ARHGEF28: variants seen among roughly 807,000 people sequenced by gnomAD.
ARHGEF28 encodes 190 kDa guanine nucleotide exchange factor.
A neutral mutation model predicts 206.6 loss-of-function variants in ARHGEF28; 152 were observed. The observed-to-expected ratio is 0.74, with a 90% CI of 0.64 to 0.84. The LOEUF (loss-of-function observed/expected upper bound fraction) is 0.84, where lower values mean the gene tolerates loss of function less well. ARHGEF28 is among the 40% of genes least tolerant of loss of function. ARHGEF28 has a pLI of 0.00. For missense variants in ARHGEF28, 2,028 were observed against 2,073.2 expected, an observed-to-expected ratio of 0.98 and a Z score of 0.42; for synonymous variants, 763 against 776.4, an observed-to-expected ratio of 0.98 and a Z score of 0.29.
In ARHGEF28 at chr5:73,828,706, G is replaced by GTCTCTT. The variant is rs531084987; in HGVS notation, c.1025-3622_1025-3617dup. On this transcript the variant is annotated intron_variant, in intron 9 of 35. Coordinates refer to ENST00000513042, the MANE Select transcript of ARHGEF28 (RefSeq NM_001177693.2). ...TTTCTCTTTCTCTTTCTTTCTCTCT[G>GTCTCTT]TCTCTTTCTCTTTCTTTCTCTCTGT... Among the ~76,000 whole-genome samples, 74 of 126,274 alleles carry GTCTCTT rather than the reference G, an allele frequency of 5.9e-4. No homozygotes were observed. In the East Asian group the frequency reaches 0.016, roughly 27 times the overall value. The allele number at this position is 126,274 out of a possible 152,430, so 82.8% of individuals were successfully genotyped here.
Position 73,771,241 on chromosome 5 carries a change from T to C in ARHGEF28, c.476-2614T>C, listed in dbSNP as rs529916126. ...CTCACTATATTCAGATTAGGAGATA[T>C]GTCTTAGAAATTCCATCCGGGCTGG... On this transcript the variant is annotated intron_variant, in intron 4 of 35. Transcript: ENST00000513042. 5.3e-5 allele frequency among the ~76,000 whole-genome samples: 8 copies of C among 152,306 alleles called. No individual in the cohort carries two copies. The South Asian group carries it at 1.7e-3, about 32-fold the overall frequency.
chr5:73,834,806 T>C (rs955565494), intron 10 of ARHGEF28, among the ~76,000 whole-genome samples: 1 of 152,160 alleles, frequency 6.6e-6, no homozygotes, highest in Non-Finnish European at 1.5e-5. Flanking sequence ...CCATATAGCC[T>C]AGGTGTGTAG....
chr5:73,658,490 G>A (rs924508097), intron 1 of ARHGEF28, among the ~76,000 whole-genome samples: 5 of 152,304 alleles, frequency 3.3e-5, no homozygotes, highest in African/African-American at 9.6e-5. Flanking sequence ...CAAGAGGAAG[G>A]AGAAGAGATG....
intron 16 of ARHGEF28, among the ~76,000 whole-genome samples, chr5:73,861,840 T>C: frequency 6.6e-6 from 1 of 152,010 alleles, no homozygotes; most frequent in East Asian, 1.9e-4. Flanking sequence ...TAGAAGTAAT[T>C]TCAAAATTTA....
intron 4 of ARHGEF28, among the ~76,000 whole-genome samples, chr5:73,761,974 G>A (rs1752623632): frequency 6.6e-6 from 1 of 151,000 alleles, no homozygotes; most frequent in South Asian, 2.1e-4. Flanking sequence ...GGGACTATAG[G>A]TGTGTGCCAC....
chr5:73,928,959 G>T lies in ARHGEF28; in HGVS notation c.4949-11885G>T, dbSNP rs723221. 2.4e-3 allele frequency among the ~76,000 whole-genome samples: 367 copies of T among 152,044 alleles called. 10 individuals carry two copies. Among genetic ancestry groups the T allele is most frequent in the Admixed American group, 0.015 (236 of 15,260 alleles). On this transcript the variant is annotated intron_variant, in intron 35 of 35. Coordinates refer to ENST00000513042, the MANE Select transcript of ARHGEF28 (RefSeq NM_001177693.2). ...TTTATTTATTTATTTATTTTGAGAC[G>T]GAGTCTCGCTCTGTCACCCATGCTG... is the stretch of plus-strand genomic sequence containing the variant.
At chr5:73,781,095 T>C (rs1275492573) in intron 7 of ARHGEF28, among the ~76,000 whole-genome samples, 1 of 152,208 alleles carries the variant, frequency 6.6e-6, no homozygotes, top group East Asian at 1.9e-4. Context: ...GTTCTTTAGT[T>C]TCTTCCACCT....
At chr5:73,646,865 A>G (rs1335034294) in intron 1 of ARHGEF28, among the ~76,000 whole-genome samples, 3 of 151,698 alleles carry the variant, frequency 2.0e-5, no homozygotes, top group South Asian at 4.2e-4. Flanking sequence ...TGGCTCATCT[A>G]TGAGGCTATC....
At chr5:73,936,240 A>T (rs1174625418) in intron 35 of ARHGEF28, among the ~76,000 whole-genome samples, 1 of 152,210 alleles carries the variant, frequency 6.6e-6, no homozygotes, top group Non-Finnish European at 1.5e-5. Flanking sequence ...GGGCAGATCA[A>T]CTGCGGAGTT....
chr5:73,634,299 C>A (rs1000841390), intron 1 of ARHGEF28, among the ~76,000 whole-genome samples: 1 of 152,172 alleles, frequency 6.6e-6, no homozygotes, highest in Non-Finnish European at 1.5e-5. Flanking sequence ...TTTGTATCAG[C>A]ATCTGGTTCT....
At chr5:73,834,769 T>G (rs2112564616) in intron 10 of ARHGEF28, among the ~76,000 whole-genome samples, 1 of 152,304 alleles carries the variant, frequency 6.6e-6, no homozygotes, top group East Asian at 1.9e-4. Context: ...GCTGTATAGA[T>G]TTGTAGCTTA....
chr5:73,728,298 G>T (rs1750403746), intron 2 of ARHGEF28, among the ~76,000 whole-genome samples: 1 of 152,192 alleles, frequency 6.6e-6, no homozygotes, highest in Non-Finnish European at 1.5e-5. Flanking sequence ...ATGTAGTAAA[G>T]AAATGGTCAG....
intron 29 of ARHGEF28, among the ~76,000 whole-genome samples, chr5:73,894,794 G>C (rs543861752): frequency 6.6e-6 from 1 of 152,226 alleles, no homozygotes; most frequent in South Asian, 2.1e-4. Context: ...CAGGATAAGG[G>C]AGAGAGAGGG....
chr5:73,770,276 T>C (rs1407387961), intron 4 of ARHGEF28, among the ~76,000 whole-genome samples: 1 of 152,192 alleles, frequency 6.6e-6, no homozygotes, highest in Non-Finnish European at 1.5e-5. Context: ...AAGAAACTGA[T>C]GCCCGGCAGA....
chr5:73,875,429 T>G (rs902853391), intron 22 of ARHGEF28, among the ~76,000 whole-genome samples: 16 of 149,832 alleles, frequency 1.1e-4, no homozygotes, highest in African/African-American at 3.9e-4. Context: ...TTTAATTAGA[T>G]CCCATTTGTC....
chr5:73,804,533 T>A (rs1443918319), intron 9 of ARHGEF28, among the ~76,000 whole-genome samples: 3 of 152,226 alleles, frequency 2.0e-5, no homozygotes, highest in Admixed American at 1.3e-4. Flanking sequence ...AAAATTTTTT[T>A]AAATAAATTT....
chr5:73,919,453 T>A (rs1484497934), intron 35 of ARHGEF28, among the ~76,000 whole-genome samples: 1 of 152,216 alleles, frequency 6.6e-6, no homozygotes, highest in Non-Finnish European at 1.5e-5. Flanking sequence ...CTGGAACAAG[T>A]TACGTAAGTC....
At position 73,820,460 on chromosome 5, in the gene ARHGEF28, T is replaced by C. The variant is rs186497361; in HGVS notation, c.1025-11878T>C. The stretch of plus-strand genomic sequence containing the variant: ...GCACCTCCTGGGTCCTCCTAGGTTC[T>C]GCTGTGGCTTGACTGGCCTAGGCTC... On this transcript the variant is annotated intron_variant, in intron 9 of 35. Transcript: ENST00000513042. 2.2e-4 allele frequency among the ~76,000 whole-genome samples: 34 copies of C among 152,262 alleles called. No individual in the cohort carries two copies. In the East Asian group the frequency reaches 6.6e-3, roughly 29 times the overall value.
chr5:73,917,676 A>G (rs1045242983), intron 35 of ARHGEF28, among the ~76,000 whole-genome samples: 2 of 152,248 alleles, frequency 1.3e-5, no homozygotes, highest in Admixed American at 6.5e-5. Flanking sequence ...GTGTCTGTTC[A>G]TCTCTACCCT....
Sources: allele counts gnomAD v4.1 joint callset (sites outside exome capture counted in the v4.1 genomes callset), GRCh38; gene constraint gnomAD v4.1.1; transcripts MANE v1.5; gene names NCBI Gene and HGNC (gene_info 2026-07-23, HGNC 2026-07-21).